RPS19: variants seen among roughly 807,000 people sequenced by gnomAD.
RPS19 encodes the protein ribosomal protein S19.
Under a neutral mutation model 20.3 loss-of-function variants are expected in RPS19, and 1 was observed. That is an observed-to-expected ratio of 0.05 (90% CI 0.02 to 0.23). The LOEUF is 0.23. Ranked by LOEUF, RPS19 falls within the 10% of genes least tolerant of loss-of-function variation. The pLI is 1.00. For missense variants in RPS19, 111 were observed against 192.7 expected (o/e 0.58, Z 2.51); for synonymous variants, 87 against 74.8 (o/e 1.16, Z -0.84).
At chr19:41,871,061 C>A (rs1198827266) in intron 5 of RPS19, among the ~76,000 whole-genome samples, 2 of 151,810 alleles carry the variant, frequency 1.3e-5, no homozygotes, top group African/African-American at 4.8e-5. Flanking sequence ...CAGGGTTTCA[C>A]CATATTGGTC....
At chr19:41,863,588 A>G (rs2074055143) in intron 3 of RPS19, among the ~76,000 whole-genome samples, 1 of 152,174 alleles carries the variant, frequency 6.6e-6, no homozygotes, top group African/African-American at 2.4e-5. Context: ...GGAGACCTAT[A>G]GGAATGAGTG....
chr19:41,868,780 G>A (rs2074114375), intron 3 of RPS19, among the ~76,000 whole-genome samples: 1 of 152,106 alleles, frequency 6.6e-6, no homozygotes. Context: ...CAGTGCTGCT[G>A]GGATAGTAAC....
chr19:41,870,561 G>T (rs1411179866), intron 5 of RPS19, among the ~76,000 whole-genome samples: 2 of 151,854 alleles, frequency 1.3e-5, no homozygotes, highest in African/African-American at 4.9e-5. Context: ...CCTCAAGCAT[G>T]GTAGTGAGGA....
At chr19:41,865,228 G>A (rs908079717) in intron 3 of RPS19, among the ~76,000 whole-genome samples, 1 of 152,078 alleles carries the variant, frequency 6.6e-6, no homozygotes, top group African/African-American at 2.4e-5. Context: ...AGCCAGGCGT[G>A]GTAGCAGGCG....
intron 3 of RPS19, 163 bp downstream of exon 3, chr19:41,861,375 A>G (rs2123258796): frequency 3.1e-6 from 2 of 650,548 alleles, no homozygotes; most frequent in South Asian, 3.4e-5. Flanking sequence ...ATAACTTGGT[A>G]CTCCAAGTTT....
rs782064096 is a variant in RPS19 at position 41,868,994 on chromosome 19, T to A, written c.173-37T>A. On this transcript the variant is annotated intron_variant, in intron 3 of 5. Coordinates refer to ENST00000598742, the MANE Select transcript of RPS19 (RefSeq NM_001022.4). ...AGGAATTGTTTACCTGAGACCTTGATCAAGACCCTTAAATCTCCCTCTCAC... is the reference window on the plus strand; with the variant it reads ...AGGAATTGTTTACCTGAGACCTTGAACAAGACCCTTAAATCTCCCTCTCAC... The A allele has an allele frequency of 2.5e-6, 4 of 1,605,256 alleles. No individual in the cohort carries two copies. In the African/African-American group the frequency reaches 5.4e-5, roughly 21 times the overall value.
At chr19:41,866,205 A>G (rs897526196) in intron 3 of RPS19, among the ~76,000 whole-genome samples, 1 of 152,168 alleles carries the variant, frequency 6.6e-6, no homozygotes, top group Non-Finnish European at 1.5e-5. Context: ...GTGAGCCCAG[A>G]TGGCACCACT....
rs782238315 is a variant in RPS19, at chr19:41,860,810, G to A, written c.36G>A (p.Gln12=). 1 of 1,614,048 alleles carries A rather than the reference G, an allele frequency of 6.2e-7. No homozygotes were observed. The highest frequency in any genetic ancestry group is 1.1e-5 in the South Asian group (1 of 91,082). ...TTACTGTAAAAGACGTGAACCAGCAGGAGTTCGTCAGAGCTCTGGCAGCCT... is the reference window on the plus strand; with the variant it reads ...TTACTGTAAAAGACGTGAACCAGCAAGAGTTCGTCAGAGCTCTGGCAGCCT... ...PGVTVKDVNQ[Q]EFVRALAAFL... Residue 12 remains glutamine (Q), a synonymous_variant, in exon 2 of 6, where the codon CAG becomes CAA. Coordinates refer to ENST00000598742, the MANE Select transcript of RPS19 (RefSeq NM_001022.4).
At chr19:41,862,610 A>T (rs2074043571) in intron 3 of RPS19, among the ~76,000 whole-genome samples, 1 of 151,512 alleles carries the variant, frequency 6.6e-6, no homozygotes, top group African/African-American at 2.4e-5. Flanking sequence ...AATACCTCCA[A>T]AGTAGGACTG....
chr19:41,869,658 C>G (rs782673230), intron 4 of RPS19, 41 bp from the exon 5 acceptor site: 4 of 1,606,962 alleles, frequency 2.5e-6, no homozygotes, highest in African/African-American at 2.7e-5. Context: ...AGAACAGGAC[C>G]TGTGCTCACT....
intron 4 of RPS19, 166 bp from the exon 5 acceptor site, chr19:41,869,533 C>T: frequency 4.4e-6 from 3 of 685,978 alleles, no homozygotes; most frequent in Non-Finnish European, 7.5e-6. Flanking sequence ...CAGGGGGGCT[C>T]CCACTACTGC....
rs566047445 is a variant in RPS19 at position 41,861,020 on chromosome 19, A to G, written c.72-92A>G. 2,029 of 1,138,532 alleles carry G rather than the reference A, an allele frequency of 1.8e-3. 7 individuals carry two copies. The highest frequency in any genetic ancestry group is 2.4e-3 in the Non-Finnish European group (1,797 of 750,778). The allele number at this position is 1,138,532 out of a possible 1,614,324, so 70.5% of individuals were successfully genotyped here. On this transcript the variant is annotated intron_variant, in intron 2 of 5. Transcript: ENST00000598742. ...TCCAGCCTCTCTTTGTACTCTGGGC[A>G]CAGCATAGTTGTGTTGAGGGGAGGG...
At chr19:41,865,590 A>G (rs1160956604) in intron 3 of RPS19, among the ~76,000 whole-genome samples, 1 of 152,056 alleles carries the variant, frequency 6.6e-6, no homozygotes, top group African/African-American at 2.4e-5. Context: ...TGAGTGTCCC[A>G]TTTCTGGTGT....
At chr19:41,867,020 GAAAA>G (rs1375940219) in intron 3 of RPS19, among the ~76,000 whole-genome samples, 1 of 140,952 alleles carries the variant, frequency 7.1e-6, no homozygotes, top group African/African-American at 2.6e-5. Flanking sequence ...CTCCATCTCA[GAAAA>G]AAAAAATATC....
intron 3 of RPS19, among the ~76,000 whole-genome samples, chr19:41,867,384 A>G (rs1304102471): frequency 6.6e-6 from 1 of 152,132 alleles, no homozygotes; most frequent in Non-Finnish European, 1.5e-5. Context: ...GCTAACTGCA[A>G]CCTCTGCCTC....
chr19:41,863,323 C>T (rs1555839727), intron 3 of RPS19, among the ~76,000 whole-genome samples: 4 of 152,174 alleles, frequency 2.6e-5, no homozygotes, highest in Non-Finnish European at 1.5e-5. Flanking sequence ...TAACATGTTC[C>T]ACCCAGTTTG....
intron 3 of RPS19, among the ~76,000 whole-genome samples, chr19:41,862,236 T>C (rs782371494): frequency 6.6e-6 from 1 of 152,138 alleles, no homozygotes; most frequent in Non-Finnish European, 1.5e-5. Context: ...TTTTGTAGAT[T>C]TGTGGTACAC....
intron 1 of RPS19, 95 bp downstream of exon 1, chr19:41,860,384 G>GCGGGCCCGTCCCGCCC (rs1224874282): frequency 6.1e-6 from 1 of 163,556 alleles, no homozygotes; most frequent in African/African-American, 2.4e-5. Context: ...GGCGCCCGGC[G>GCGGGCCCGTCCCGCCC]CGGGCCCGTC....
chr19:41,861,592 C>G lies in RPS19; in HGVS notation c.172+380C>G, dbSNP rs535500704. On this transcript the variant is annotated intron_variant, in intron 3 of 5. Coordinates refer to ENST00000598742, the MANE Select transcript of RPS19 (RefSeq NM_001022.4). ...TGGTTAACCTGCCTGTGCACTCTCTCATCCCCAAAATGGGACTAATTATTG... is the reference window on the plus strand; with the variant it reads ...TGGTTAACCTGCCTGTGCACTCTCTGATCCCCAAAATGGGACTAATTATTG... The G allele has an allele frequency of 8.6e-6, 3 of 347,936 alleles. No homozygotes were observed. The East Asian group carries it at 2.2e-4, about 26-fold the overall frequency. The allele number at this position is 347,936 out of a possible 1,614,324, so 21.6% of individuals were successfully genotyped here. A position where few individuals can be genotyped will look rare whatever the true frequency, so the allele number is the denominator to read the frequency against.
Sources: gnomAD v4.1 joint callset for allele counts (sites outside exome capture counted in the v4.1 genomes callset) on GRCh38, gnomAD v4.1.1 for gene constraint, MANE v1.5 for transcripts, NCBI Gene and HGNC (gene_info 2026-07-23, HGNC 2026-07-21) for gene names.